The following DYSF variants were observed in gnomAD, a reference collection of about 807,000 sequenced individuals.
DYSF encodes dystrophy-associated fer-1-like 1.
Under a neutral mutation model 274.9 loss-of-function variants are expected in DYSF, and 212 were observed. The ratio of observed to expected loss-of-function variants is 0.77; its 90% CI spans 0.69 to 0.86. DYSF has a LOEUF of 0.86. Ranked by LOEUF, DYSF falls within the 40% of genes least tolerant of loss-of-function variation. The pLI is 0.00. For synonymous variants in DYSF, 1,091 were observed against 1,078.7 expected, an observed-to-expected ratio of 1.01 and a Z score of -0.22; for missense variants, 2,666 against 2,783.2, an observed-to-expected ratio of 0.96 and a Z score of 0.95.
At chr2:71,619,543 G>C (rs963254799) in intron 40 of DYSF, among the ~76,000 whole-genome samples, 1 of 152,180 alleles carries the variant, frequency 6.6e-6, no homozygotes, top group East Asian at 1.9e-4. Context: ...AGGGCAGCCT[G>C]GGGTTTCGCC....
Position 71,644,010 on chromosome 2 carries a change from G to T in DYSF, c.4573G>T (p.Gly1525Trp), listed in dbSNP as rs1177467551. The T allele has an allele frequency of 6.2e-7, 1 of 1,612,690 alleles. No homozygotes were observed. The highest frequency in any genetic ancestry group is 1.7e-5 in the Admixed American group (1 of 59,812). The change falls in exon 42 of 56, where the codon GGG becomes TGG. Residue 1525 changes from glycine to tryptophan, a missense_variant. Gly to Trp is a radical substitution (Grantham distance 184, BLOSUM62 -2). Coordinates refer to ENST00000410020, the MANE Select transcript of DYSF (RefSeq NM_001130987.2). Reference sequence around the variant, plus strand: ...GTGGAGCAAATTCTTTGCCTCCATAGGGGAGAGGGAAAAGTGCGGCTCCTA... The same window carrying T: ...GTGGAGCAAATTCTTTGCCTCCATATGGGAGAGGGAAAAGTGCGGCTCCTA... ...DWWSKFFASI[G>W]EREKCGSYLE...
chr2:71,670,290 G>T (rs1260635759), intron 51 of DYSF, among the ~76,000 whole-genome samples: 1 of 152,220 alleles, frequency 6.6e-6, no homozygotes, highest in East Asian at 1.9e-4. Context: ...AAGTTAAGCA[G>T]CAGGAAGGAC....
chr2:71,480,745 T>C, intron 1 of DYSF, 138 bp from the exon 2 acceptor site: 1 of 748,736 alleles, frequency 1.3e-6, no homozygotes, highest in East Asian at 2.7e-5. Flanking sequence ...GACTGGCGGG[T>C]TCTCAGGGAA....
chr2:71,521,339 C>T (rs2087250110), intron 12 of DYSF, among the ~76,000 whole-genome samples: 1 of 152,166 alleles, frequency 6.6e-6, no homozygotes, highest in South Asian at 2.1e-4. Context: ...GAGGTATCTG[C>T]ATCTTTCTAT....
chr2:71,623,178 T>A (rs895859770), intron 41 of DYSF, among the ~76,000 whole-genome samples: 6 of 151,098 alleles, frequency 4.0e-5, no homozygotes, highest in African/African-American at 1.2e-4. Context: ...GGGACTTATT[T>A]TTTTTTTTAA....
chr2:71,558,760 C>T (rs1300492851), intron 22 of DYSF, among the ~76,000 whole-genome samples: 1 of 152,152 alleles, frequency 6.6e-6, no homozygotes, highest in Non-Finnish European at 1.5e-5. Flanking sequence ...CTGGTTCCAG[C>T]TCAGGAGCTT....
intron 40 of DYSF, among the ~76,000 whole-genome samples, chr2:71,618,818 G>A (rs2094016112): frequency 6.6e-6 from 1 of 151,752 alleles, no homozygotes; most frequent in African/African-American, 2.4e-5. Flanking sequence ...CAGGAGACAG[G>A]CCTGGCCTGC....
Position 71,674,222 on chromosome 2 carries a change from C to CT in DYSF, c.5811dup (p.Glu1938Ter). The CT allele has an allele frequency of 6.2e-7, 1 of 1,614,202 alleles. No homozygotes were observed. The highest frequency in any genetic ancestry group is 8.5e-7 in the Non-Finnish European group (1 of 1,180,030). On this transcript the variant is annotated frameshift_variant, in exon 52 of 56. Coordinates refer to ENST00000410020, the MANE Select transcript of DYSF (RefSeq NM_001130987.2). LOFTEE classifies it high-confidence loss of function. ...GATGCCTTCTGGAGGCTGGACAAGA[C>CT]TGAGAGCAAAATCCCAGCACGAGTG...
intron 10 of DYSF, among the ~76,000 whole-genome samples, chr2:71,519,301 CTTAA>C (rs1446000772): frequency 6.6e-6 from 1 of 151,924 alleles, no homozygotes; most frequent in Non-Finnish European, 1.5e-5. Flanking sequence ...CAAATTAAAT[CTTAA>C]TTATGTTTTG....
At chr2:71,522,741 C>G (rs1451806344) in intron 12 of DYSF, among the ~76,000 whole-genome samples, 1 of 152,132 alleles carries the variant, frequency 6.6e-6, no homozygotes, top group Admixed American at 6.5e-5. Context: ...TATAGCAAAG[C>G]CTGTATCATT....
Position 71,553,820 on chromosome 2 carries a change from C to T in DYSF, c.1998C>T (p.Tyr666=), listed in dbSNP as rs1408555296. The T allele has an allele frequency of 4.4e-6, 6 of 1,372,868 alleles. No homozygotes were observed. The highest frequency in any genetic ancestry group is 5.8e-6 in the Non-Finnish European group (6 of 1,027,728). The allele number at this position is 1,372,868 out of a possible 1,614,324, so 85.0% of individuals were successfully genotyped here. A position where few individuals can be genotyped will look rare whatever the true frequency, so the allele number is the denominator to read the frequency against. The stretch of plus-strand genomic sequence containing the variant: ...TCTCCATTCCAGGGTGCCACTACTA[C>T]TACCTACCCTGGGGTAACGTGAAAC... ...SRAVFDGCHY[Y]YLPWGNVKPV... Residue 666 remains tyrosine, a synonymous_variant, in exon 21 of 56, where the codon TAC becomes TAT. Transcript: ENST00000410020.
intron 22 of DYSF, among the ~76,000 whole-genome samples, chr2:71,560,689 C>T (rs538662437): frequency 7.9e-5 from 12 of 152,004 alleles, no homozygotes; most frequent in African/African-American, 2.4e-4. Flanking sequence ...GGTGCCGCTG[C>T]GCTCCGGCGG....
chr2:71,553,006 C>T lies in DYSF; in HGVS notation c.1807-5C>T, dbSNP rs2091062952. ...GTGACCCTCTGGTCTACTCTCTGCTCTCAGAAGTACCTTAGGAGGCGCAAG... is the reference window on the plus strand; with the variant it reads ...GTGACCCTCTGGTCTACTCTCTGCTTTCAGAAGTACCTTAGGAGGCGCAAG... On this transcript the variant is annotated splice_region_variant and splice_polypyrimidine_tract_variant and intron_variant, in intron 19 of 55. Transcript: ENST00000410020. The T allele has an allele frequency of 1.2e-6, 2 of 1,614,170 alleles. No individual in the cohort carries two copies. Among genetic ancestry groups the T allele is most frequent in the Non-Finnish European group, 1.7e-6 (2 of 1,180,026 alleles).
intron 1 of DYSF, among the ~76,000 whole-genome samples, chr2:71,477,832 G>T (rs1484939431): frequency 6.6e-6 from 1 of 152,220 alleles, no homozygotes; most frequent in Non-Finnish European, 1.5e-5. Flanking sequence ...TAGTATCAAA[G>T]AAGGATATTC....
At chr2:71,500,424 C>T (rs1290893118) in intron 3 of DYSF, among the ~76,000 whole-genome samples, 1 of 152,112 alleles carries the variant, frequency 6.6e-6, no homozygotes, top group African/African-American at 2.4e-5. Flanking sequence ...GGGACTTGCC[C>T]CCAGGCCGAT....
intron 32 of DYSF, among the ~76,000 whole-genome samples, chr2:71,592,868 G>A (rs2093308474): frequency 6.6e-6 from 1 of 152,214 alleles, no homozygotes; most frequent in South Asian, 2.1e-4. Flanking sequence ...GAATATTTGA[G>A]GAGATAGGCA....
At chr2:71,640,866 T>G (rs1292428832) in intron 41 of DYSF, among the ~76,000 whole-genome samples, 3 of 152,178 alleles carry the variant, frequency 2.0e-5, no homozygotes, top group Non-Finnish European at 4.4e-5. Context: ...GCAACACTCA[T>G]AGAATTTTCC....
intron 17 of DYSF, among the ~76,000 whole-genome samples, chr2:71,547,280 G>C (rs2090552129): frequency 6.6e-6 from 1 of 152,224 alleles, no homozygotes; most frequent in Non-Finnish European, 1.5e-5. Context: ...CAACAGGGCT[G>C]TGTCTTATTA....
intron 18 of DYSF, 133 bp from the exon 19 acceptor site, chr2:71,551,474 A>T: frequency 1.3e-6 from 1 of 747,448 alleles, no homozygotes; most frequent in Non-Finnish European, 2.3e-6. Flanking sequence ...CCTCACCTGC[A>T]GGGGGGATGA....
Sources: gnomAD v4.1 joint callset for allele counts (sites outside exome capture counted in the v4.1 genomes callset) on GRCh38, gnomAD v4.1.1 for gene constraint, MANE v1.5 for transcripts, NCBI Gene and HGNC (gene_info 2026-07-23, HGNC 2026-07-21) for gene names.